The following CDK14 variants were observed in gnomAD, a reference collection of about 807,000 sequenced individuals.
CDK14 encodes the protein cyclin-dependent kinase 14.
A neutral mutation model predicts 60.7 loss-of-function variants in CDK14; 34 were observed. The observed-to-expected ratio is 0.56, with a 90% CI of 0.43 to 0.75. The LOEUF (loss-of-function observed/expected upper bound fraction) is 0.75, where lower values mean the gene tolerates loss of function less well. Ranked by LOEUF, CDK14 falls within the 30% of genes least tolerant of loss-of-function variation. The probability of loss-of-function intolerance (pLI) is 0.00; values close to 1 mark genes in which losing one functional copy is unlikely to be tolerated. For missense variants in CDK14, 482 were observed against 564.1 expected (o/e 0.85, Z 1.47); for synonymous variants, 197 against 203.7 (o/e 0.97, Z 0.28).
At position 90,967,515 on chromosome 7, in the gene CDK14, C is replaced by T. The variant is rs1364556893; in HGVS notation, c.947+11698C>T. Among the ~76,000 whole-genome samples, 4 of 152,224 alleles carry T rather than the reference C, an allele frequency of 2.6e-5. 1 individual carries two copies. In the South Asian group the frequency reaches 8.3e-4, roughly 32 times the overall value. On this transcript the variant is annotated intron_variant, in intron 9 of 14. Transcript: ENST00000380050. ...AGCGTAGTAATGCAGGCAGGAAACT[C>T]GTGACTGCTGCCATCTTAGTGTGGT...
chr7:90,855,962 G>C (rs548743798), intron 5 of CDK14, among the ~76,000 whole-genome samples: 1 of 152,308 alleles, frequency 6.6e-6, no homozygotes, highest in Non-Finnish European at 1.5e-5. Flanking sequence ...TCACATTTCA[G>C]TTCTATGATG....
At chr7:90,802,687 G>T (rs1788687062) in intron 5 of CDK14, among the ~76,000 whole-genome samples, 1 of 152,022 alleles carries the variant, frequency 6.6e-6, no homozygotes, top group African/African-American at 2.4e-5. Flanking sequence ...CAACTTACAG[G>T]CTTCTTGGGA....
At chr7:90,599,204 A>T (rs1799262838) in intron 1 of CDK14, among the ~76,000 whole-genome samples, 1 of 152,204 alleles carries the variant, frequency 6.6e-6, no homozygotes, top group African/African-American at 2.4e-5. Flanking sequence ...TAGTGAAATA[A>T]TGCATACCAT....
intron 6 of CDK14, among the ~76,000 whole-genome samples, chr7:90,865,250 T>G (rs1441066477): frequency 1.3e-5 from 2 of 152,132 alleles, no homozygotes. Context: ...CCGCTTCAGT[T>G]TGTAGAAATT....
At chr7:90,924,201 T>G (rs937922517) in intron 8 of CDK14, among the ~76,000 whole-genome samples, 1 of 152,224 alleles carries the variant, frequency 6.6e-6, no homozygotes, top group Non-Finnish European at 1.5e-5. Flanking sequence ...CCTGAGGCGG[T>G]GCAGGGCATC....
chr7:90,845,762 A>G (rs1790449490), intron 5 of CDK14, among the ~76,000 whole-genome samples: 1 of 152,120 alleles, frequency 6.6e-6, no homozygotes, highest in Non-Finnish European at 1.5e-5. Context: ...TAATATCTGT[A>G]TGAGGTTTTC....
chr7:90,641,472 A>G (rs12673301), intron 2 of CDK14, among the ~76,000 whole-genome samples: 45,419 of 152,088 alleles, frequency 0.3, 7,615 homozygotes, highest in East Asian at 0.67. Flanking sequence ...TAGATGCTGC[A>G]ACATGAGTGA....
intron 5 of CDK14, among the ~76,000 whole-genome samples, chr7:90,836,180 A>G (rs1472595470): frequency 6.6e-6 from 1 of 152,168 alleles, no homozygotes; most frequent in Non-Finnish European, 1.5e-5. Context: ...TTTCTTCAAT[A>G]ATAACCTTAG....
In CDK14 at chr7:90,747,708, G is replaced by C. The variant is rs1803650810; in HGVS notation, c.397G>C (p.Asp133His). The stretch of plus-strand genomic sequence containing the variant: ...AACAAGTCCCAAATTTGGAAAAGCT[G>C]ACTCATATGAAAAGCTGGAAAAACT... The part of the protein sequence containing the change: ...SPTSPKFGKA[D>H]SYEKLEKLGE... Residue 133 changes from aspartate (D) to histidine (H), a missense_variant, in exon 4 of 15, where the codon GAC becomes CAC. Physicochemically the swap from Asp to His is moderately conservative, Grantham distance 81. Coordinates refer to ENST00000380050, the MANE Select transcript of CDK14 (RefSeq NM_001287135.2). 1 of 1,597,858 alleles carries C rather than the reference G, an allele frequency of 6.3e-7. No homozygotes were observed. Among genetic ancestry groups the C allele is most frequent in the African/African-American group, 1.4e-5 (1 of 73,836 alleles).
intron 13 of CDK14, among the ~76,000 whole-genome samples, chr7:91,115,522 GA>G (rs1322062792): frequency 2.0e-5 from 3 of 152,138 alleles, no homozygotes; most frequent in Non-Finnish European, 2.9e-5. Context: ...TGAATTTGAG[GA>G]CGGACACAAT....
At chr7:90,814,284 CT>C (rs1344812916) in intron 5 of CDK14, among the ~76,000 whole-genome samples, 1 of 152,120 alleles carries the variant, frequency 6.6e-6, no homozygotes, top group African/African-American at 2.4e-5. Context: ...AGTAAGTACT[CT>C]TACAGTCGGA....
intron 2 of CDK14, among the ~76,000 whole-genome samples, chr7:90,675,527 G>A (rs1801182584): frequency 6.6e-6 from 1 of 152,066 alleles, no homozygotes; most frequent in South Asian, 2.1e-4. Context: ...AGGACGGAAT[G>A]TGCTCTATAA....
intron 4 of CDK14, among the ~76,000 whole-genome samples, chr7:90,782,317 C>G (rs1029922185): frequency 6.6e-6 from 1 of 152,182 alleles, no homozygotes; most frequent in South Asian, 2.1e-4. Flanking sequence ...AGATTTTGGG[C>G]TGAGACAATG....
At chr7:90,598,292 T>C (rs1191559448) in intron 1 of CDK14, among the ~76,000 whole-genome samples, 1 of 152,240 alleles carries the variant, frequency 6.6e-6, no homozygotes, top group Non-Finnish European at 1.5e-5. Flanking sequence ...AAGGTTTTGA[T>C]CGACAATCAG....
At chr7:91,141,355 A>G (rs1371670583) in intron 14 of CDK14, among the ~76,000 whole-genome samples, 3 of 152,236 alleles carry the variant, frequency 2.0e-5, no homozygotes, top group African/African-American at 7.2e-5. Context: ...GGCGACTTCA[A>G]AGAACTCAGA....
chr7:90,607,017 A>G (rs1799432003), intron 2 of CDK14, among the ~76,000 whole-genome samples: 1 of 152,206 alleles, frequency 6.6e-6, no homozygotes, highest in Non-Finnish European at 1.5e-5. Flanking sequence ...CAGACAGGTA[A>G]TGTACTGACC....
At chr7:90,643,008 A>G (rs1357559267) in intron 2 of CDK14, among the ~76,000 whole-genome samples, 3 of 152,220 alleles carry the variant, frequency 2.0e-5, no homozygotes, top group Admixed American at 1.3e-4. Flanking sequence ...AAAGTTCCAC[A>G]TCTCGTGGGG....
chr7:91,073,915 CATGATG>C (rs758951695), intron 11 of CDK14, among the ~76,000 whole-genome samples: 10 of 151,938 alleles, frequency 6.6e-5, no homozygotes, highest in Middle Eastern at 3.4e-3. Context: ...AAGGGCATTA[CATGATG>C]ATAAACAGTA....
At chr7:90,987,487 G>A (rs1003615783) in intron 10 of CDK14, among the ~76,000 whole-genome samples, 27 of 152,202 alleles carry the variant, frequency 1.8e-4, no homozygotes, top group African/African-American at 6.0e-4. Context: ...AATTACTGCT[G>A]TAGAATTAAA....
Sources: gnomAD v4.1 joint callset for allele counts (sites outside exome capture counted in the v4.1 genomes callset) on GRCh38, gnomAD v4.1.1 for gene constraint, MANE v1.5 for transcripts, NCBI Gene and HGNC (gene_info 2026-07-23, HGNC 2026-07-21) for gene names.